The following MAP4K5 variants were observed in gnomAD, a reference collection of about 807,000 sequenced individuals.
MAP4K5 encodes MAPK/ERK kinase kinase kinase 5.
In MAP4K5, 82 loss-of-function variants were observed where a neutral mutation model predicts 135.6. The observed-to-expected ratio is 0.60, with a 90% CI of 0.51 to 0.73. MAP4K5 has a LOEUF of 0.73. Ranked by LOEUF, MAP4K5 falls within the 30% of genes least tolerant of loss-of-function variation. MAP4K5 has a pLI of 0.00. For missense variants in MAP4K5, 907 were observed against 1,010.9 expected (o/e 0.90, Z 1.39); for synonymous variants, 347 against 335.0 (o/e 1.04, Z -0.39).
intron 1 of MAP4K5, chr14:50,559,973 G>A (rs2038814480): frequency 4.1e-6 from 2 of 487,058 alleles, no homozygotes. Context: ...CGTTGAAAAT[G>A]TTGCGGTACG....
intron 1 of MAP4K5, among the ~76,000 whole-genome samples, chr14:50,549,559 G>T (rs987958463): frequency 3.9e-5 from 6 of 152,172 alleles, no homozygotes; most frequent in Non-Finnish European, 7.3e-5. Flanking sequence ...CACAACAATT[G>T]GGGCCTTCCC....
In MAP4K5 at chr14:50,429,193, G is replaced by A. The variant is rs969985449; in HGVS notation, c.2232C>T (p.Asp744=). The change falls in exon 29 of 33, where the codon GAC becomes GAT. Residue 744 remains aspartate (D), a splice_region_variant and synonymous_variant. Coordinates refer to ENST00000682126, the MANE Select transcript of MAP4K5 (RefSeq NM_006575.6). ...AATAAAATTAAAAATAGTACTTACT[G>A]TCTAAACACACTAAAACGGTATCTC... is the stretch of plus-strand genomic sequence containing the variant. ...LERDTVLVCL[D]KFVKIVNLQG... 2 of 1,533,514 alleles carry A rather than the reference G, an allele frequency of 1.3e-6. No individual in the cohort carries two copies. Among genetic ancestry groups the A allele is most frequent in the African/African-American group, 1.4e-5 (1 of 72,686 alleles). The allele number at this position is 1,533,514 out of a possible 1,614,324, so 95.0% of individuals were successfully genotyped here. A position where few individuals can be genotyped will look rare whatever the true frequency, so the allele number is the denominator to read the frequency against.
chr14:50,446,035 T>G (rs779892419), intron 17 of MAP4K5, 44 bp downstream of exon 17: 3 of 1,272,012 alleles, frequency 2.4e-6, no homozygotes, highest in Non-Finnish European at 3.2e-6. Context: ...TTAACTATAT[T>G]ATTTAAATAA....
chr14:50,552,329 T>C (rs2038712765), intron 1 of MAP4K5, among the ~76,000 whole-genome samples: 1 of 152,130 alleles, frequency 6.6e-6, no homozygotes, highest in South Asian at 2.1e-4. Context: ...GAGAGTTCTC[T>C]ACAAGGAAAA....
chr14:50,445,083 T>C lies in MAP4K5; in HGVS notation c.1297A>G (p.Ser433Gly). The C allele has an allele frequency of 6.2e-7, 1 of 1,613,742 alleles. No individual in the cohort carries two copies. The highest frequency in any genetic ancestry group is 8.5e-7 in the Non-Finnish European group (1 of 1,179,718). Residue 433 changes from serine to glycine, a missense_variant, in exon 18 of 33, where the codon AGT becomes GGT. By Grantham distance (56) the Ser-to-Gly change is moderately conservative. Around this residue, in one of 3 missense-constraint regions of MAP4K5, gnomAD observed 690 missense variants for 777.4 expected, o/e 0.89. Transcript: ENST00000682126. ...SRAPQILRRQSSPSCGPVAET... is the reference protein window; with the variant it reads ...SRAPQILRRQGSPSCGPVAET... ...GCCACAGGCCCACAACTTGGGCTAC[T>C]CTGTCTTCTGAGAATTTGGGGAGCT...
intron 3 of MAP4K5, among the ~76,000 whole-genome samples, chr14:50,497,626 T>C (rs1023503666): frequency 1.3e-5 from 2 of 152,210 alleles, no homozygotes; most frequent in African/African-American, 4.8e-5. Context: ...TTCCTGACTT[T>C]TTAACACTTA....
At chr14:50,540,230 G>A (rs999011248) in intron 2 of MAP4K5, among the ~76,000 whole-genome samples, 1 of 152,188 alleles carries the variant, frequency 6.6e-6, no homozygotes. Flanking sequence ...AGGATAGGTG[G>A]TGCTATCCTA....
chr14:50,528,702 C>T (rs2140117353), intron 2 of MAP4K5, among the ~76,000 whole-genome samples: 1 of 152,256 alleles, frequency 6.6e-6, no homozygotes. Flanking sequence ...GCCTAAAGCA[C>T]AAGACCATCT....
chr14:50,483,272 G>GTGTCACTTTTGGCA (rs2037292645), intron 5 of MAP4K5: 1 of 152,100 alleles, frequency 6.6e-6, no homozygotes, highest in Non-Finnish European at 1.5e-5. Flanking sequence ...TTGGCAACCA[G>GTGTCACTTTTGGCA]ATCTCTCCCT....
chr14:50,538,693 C>A (rs1454049059), intron 2 of MAP4K5, among the ~76,000 whole-genome samples: 2 of 152,180 alleles, frequency 1.3e-5, no homozygotes, highest in Non-Finnish European at 2.9e-5. Context: ...TGCAGGATTC[C>A]AGTAAGTTCT....
chr14:50,468,915 CT>C, intron 9 of MAP4K5, 133 bp from the exon 10 acceptor site: 1 of 704,542 alleles, frequency 1.4e-6, no homozygotes, highest in Non-Finnish European at 2.3e-6. Context: ...AGAAACATTA[CT>C]AAGTAAAGGC....
intron 9 of MAP4K5, chr14:50,472,150 C>T (rs2036979048): frequency 7.0e-6 from 1 of 142,212 alleles, no homozygotes; most frequent in South Asian, 2.2e-4. Context: ...GAGAGAAACT[C>T]TATGAAGGTA....
At chr14:50,426,525 G>A (rs1341786284) in intron 30 of MAP4K5, among the ~76,000 whole-genome samples, 2 of 152,122 alleles carry the variant, frequency 1.3e-5, no homozygotes. Flanking sequence ...AGGAGATGGA[G>A]ACCAGCCTGA....
chr14:50,514,701 T>C (rs1312932401), intron 2 of MAP4K5, among the ~76,000 whole-genome samples: 2 of 151,884 alleles, frequency 1.3e-5, no homozygotes, highest in Non-Finnish European at 2.9e-5. Flanking sequence ...GGGTAAGAGA[T>C]TATGGATAGC....
chr14:50,485,851 GTAAGTTA>G, intron 4 of MAP4K5: 1 of 542,538 alleles, frequency 1.8e-6, no homozygotes, highest in Non-Finnish European at 3.2e-6. Context: ...GATCAGTTTT[GTAAGTTA>G]AAACACTTAC....
intron 10 of MAP4K5, 27 bp from the exon 11 acceptor site, chr14:50,466,672 CA>C: frequency 9.7e-7 from 1 of 1,033,798 alleles, no homozygotes; most frequent in African/African-American, 1.6e-5. Flanking sequence ...AGTTAAAGAA[CA>C]ATATCAAAAT....
intron 23 of MAP4K5, 123 bp downstream of exon 23, chr14:50,439,890 G>A (rs2036187176): frequency 1.9e-6 from 2 of 1,029,778 alleles, no homozygotes; most frequent in South Asian, 3.6e-5. Flanking sequence ...ATATCCACAA[G>A]TCCCAGAGTT....
At chr14:50,438,178 G>C in intron 23 of MAP4K5, 84 bp from the exon 24 acceptor site, 1 of 635,542 alleles carries the variant, frequency 1.6e-6, no homozygotes. Context: ...ATACTATTTT[G>C]AAAGACAATA....
At chr14:50,444,919 A>C in intron 18 of MAP4K5, 122 bp downstream of exon 18, 1 of 1,101,508 alleles carries the variant, frequency 9.1e-7, no homozygotes, top group Admixed American at 2.9e-5. Flanking sequence ...TGACTAAATA[A>C]AAAAGATATT....
Sources: allele counts gnomAD v4.1 joint callset (sites outside exome capture counted in the v4.1 genomes callset), GRCh38; gene constraint gnomAD v4.1.1; regional missense constraint gnomAD v4.1.1; transcripts MANE v1.5; gene names NCBI Gene and HGNC (gene_info 2026-07-23, HGNC 2026-07-21).